PHC2: variants seen among roughly 807,000 people sequenced by gnomAD.
The protein encoded by PHC2 is polyhomeotic-like protein 2.
PHC2 carries 29 observed loss-of-function variants against 87.4 expected under a neutral mutation model. The observed-to-expected ratio is 0.33, with a 90% confidence interval of 0.25 to 0.45. The LOEUF is 0.45. Ranked by LOEUF, PHC2 falls within the 20% of genes least tolerant of loss-of-function variation. The pLI, the probability that PHC2 is intolerant of heterozygous loss-of-function variation, is 1.00. For missense variants in PHC2, 857 were observed against 1,136.7 expected (o/e 0.75, Z 3.54); for synonymous variants, 438 against 461.7 (o/e 0.95, Z 0.66).
intron 1 of PHC2, among the ~76,000 whole-genome samples, chr1:33,420,495 T>C (rs897319368): frequency 1.3e-5 from 2 of 152,146 alleles, no homozygotes; most frequent in African/African-American, 4.8e-5. Context: ...GTACTGGAAC[T>C]CAAAGCCTGC....
intron 1 of PHC2, among the ~76,000 whole-genome samples, chr1:33,419,607 T>A (rs1232937718): frequency 2.0e-5 from 3 of 151,690 alleles, no homozygotes; most frequent in Non-Finnish European, 4.4e-5. Context: ...CTTCTGCCTC[T>A]CTCTCTTTCT....
chr1:33,335,998 T>TGTTGTTGTTGTTG (rs35270760), intron 9 of PHC2, among the ~76,000 whole-genome samples: 4,787 of 148,088 alleles, frequency 0.032, 216 homozygotes, highest in African/African-American at 0.098. Flanking sequence ...TTGTTGTTGT[T>TGTTGTTGTTGTTG]TTTTTTTTTA....
intron 7 of PHC2, among the ~76,000 whole-genome samples, chr1:33,366,472 G>T (rs1647457327): frequency 6.6e-6 from 1 of 152,188 alleles, no homozygotes; most frequent in African/African-American, 2.4e-5. Flanking sequence ...TTATTCTCAA[G>T]TGTTACCCTC....
chr1:33,383,779 T>G (rs1003552255), intron 1 of PHC2, among the ~76,000 whole-genome samples: 1 of 152,152 alleles, frequency 6.6e-6, no homozygotes, highest in Non-Finnish European at 1.5e-5. Context: ...GAACGCCATG[T>G]GAAAACAGGC....
At chr1:33,413,381 G>T (rs1013921673) in intron 1 of PHC2, among the ~76,000 whole-genome samples, 2 of 152,176 alleles carry the variant, frequency 1.3e-5, no homozygotes, top group Non-Finnish European at 2.9e-5. Flanking sequence ...TAACACTGAA[G>T]TATTGAAATA....
intron 1 of PHC2, among the ~76,000 whole-genome samples, chr1:33,396,777 AAG>A (rs1649311705): frequency 6.6e-6 from 1 of 152,156 alleles, no homozygotes; most frequent in Admixed American, 6.5e-5. Flanking sequence ...AGAATCCTTG[AAG>A]AGTTTTCACA....
At position 33,334,360 on chromosome 1, in the gene PHC2, C is replaced by T; in HGVS notation, c.1559-68G>A. 6.9e-7 allele frequency: 1 copy of T among 1,441,622 alleles called. No homozygotes were observed. Among genetic ancestry groups the T allele is most frequent in the South Asian group, 1.2e-5 (1 of 84,334 alleles). The allele number at this position is 1,441,622 out of a possible 1,614,324, so 89.3% of individuals were successfully genotyped here. On this transcript the variant is annotated intron_variant, in intron 9 of 14. Transcript: ENST00000683057. This position sits in a 1 kb window ranked among gnomAD's most constrained non-coding sequence, Gnocchi z 5.5. Reference sequence around the variant, plus strand: ...ACCAGAGTCCACGCCCAGGGAGGGACAGCAAGGACTCAAACTGCGCCCGGC... The same window carrying T: ...ACCAGAGTCCACGCCCAGGGAGGGATAGCAAGGACTCAAACTGCGCCCGGC...
intron 7 of PHC2, among the ~76,000 whole-genome samples, chr1:33,356,966 T>A (rs1376548462): frequency 6.6e-6 from 1 of 152,232 alleles, no homozygotes; most frequent in Non-Finnish European, 1.5e-5. Flanking sequence ...TTATATTTTT[T>A]AGTATCCCTT....
At chr1:33,347,343 C>T in intron 9 of PHC2, 1 of 985,414 alleles carries the variant, frequency 1.0e-6, no homozygotes, top group Non-Finnish European at 1.2e-6. Context: ...TGATGAGACC[C>T]ACAGCCAGGA....
At position 33,354,819 on chromosome 1, in the gene PHC2, T is replaced by G; in HGVS notation, c.1392+19A>C. 1.2e-6 allele frequency: 2 copies of G among 1,607,478 alleles called. No individual in the cohort carries two copies. The highest frequency in any genetic ancestry group is 1.7e-6 in the Non-Finnish European group (2 of 1,176,036). ...GGCCACCCCGTGTGCTCCCTGGACC[T>G]TGGGGCTGGCTTACTCACCACTGGT... On this transcript the variant is annotated intron_variant, in intron 8 of 14. Coordinates refer to ENST00000683057, the MANE Select transcript of PHC2 (RefSeq NM_001385109.1).
chr1:33,324,744 G>T lies in PHC2; in HGVS notation c.*121C>A. 1 of 1,059,172 alleles carries T rather than the reference G, an allele frequency of 9.4e-7. No homozygotes were observed. The highest frequency in any genetic ancestry group is 1.3e-6 in the Non-Finnish European group (1 of 758,014). 65.6% of individuals were successfully genotyped at this position (1,059,172 alleles called of 1,614,324 possible). ...GTGCCCAGACCTCCTCACCAGCTAT[G>T]CCCCTAGGGAGAGCCCCTGCCCTCC... On this transcript the variant is annotated 3_prime_UTR_variant, in exon 15 of 15. Coordinates refer to ENST00000683057, the MANE Select transcript of PHC2 (RefSeq NM_001385109.1).
At chr1:33,329,267 T>G in intron 13 of PHC2, 121 bp from the exon 14 acceptor site, 1 of 917,954 alleles carries the variant, frequency 1.1e-6, no homozygotes. Flanking sequence ...AGTTCCCAGA[T>G]CTAACAGCAT....
At chr1:33,424,512 AAAATT>A (rs1650590234) in intron 1 of PHC2, among the ~76,000 whole-genome samples, 3 of 152,172 alleles carry the variant, frequency 2.0e-5, no homozygotes, top group African/African-American at 7.2e-5. Context: ...GGTGGGTATA[AAAATT>A]AATTTGCATT....
At chr1:33,335,361 T>TAA in intron 9 of PHC2, 2 of 985,230 alleles carry the variant, frequency 2.0e-6, no homozygotes, top group Non-Finnish European at 2.4e-6. Context: ...TGGAACTTCC[T>TAA]AAAAAAGAAA....
intron 3 of PHC2, among the ~76,000 whole-genome samples, chr1:33,371,817 C>T (rs1394253276): frequency 6.6e-6 from 1 of 152,180 alleles, no homozygotes; most frequent in African/African-American, 2.4e-5. Context: ...ATTGTAAGTG[C>T]CAAGAAGACA....
intron 1 of PHC2, among the ~76,000 whole-genome samples, chr1:33,392,260 C>T (rs1649097745): frequency 6.6e-6 from 1 of 152,178 alleles, no homozygotes; most frequent in African/African-American, 2.4e-5. Flanking sequence ...TCTGTGAGGT[C>T]CTAACGCGAG....
chr1:33,361,349 TG>T (rs1647190269), intron 7 of PHC2, among the ~76,000 whole-genome samples: 1 of 152,142 alleles, frequency 6.6e-6, no homozygotes, highest in South Asian at 2.1e-4. Flanking sequence ...TTTTGTTTTT[TG>T]TTTTTTTGAG....
chr1:33,403,361 G>C (rs367659579), intron 1 of PHC2, among the ~76,000 whole-genome samples: 2 of 151,662 alleles, frequency 1.3e-5, no homozygotes, highest in African/African-American at 4.8e-5. Flanking sequence ...TCTTGACCTC[G>C]TGATCCACCC....
At chr1:33,356,279 A>ATATATG (rs1553185698) in intron 7 of PHC2, among the ~76,000 whole-genome samples, 20 of 129,224 alleles carry the variant, frequency 1.5e-4, no homozygotes, top group Non-Finnish European at 2.2e-4. Flanking sequence ...ATATATATGT[A>ATATATG]TATATATATA....
Sources: gnomAD v4.1 joint callset for allele counts (sites outside exome capture counted in the v4.1 genomes callset) on GRCh38, gnomAD v4.1.1 for gene constraint, Gnocchi (gnomAD v3.1) non-coding constraint, MANE v1.5 for transcripts, NCBI Gene and HGNC (gene_info 2026-07-23, HGNC 2026-07-21) for gene names.